GPC4: variants seen among roughly 807,000 people sequenced by gnomAD.
GPC4 encodes the protein glypican 4.
Under a neutral mutation model 35.0 loss-of-function variants are expected in GPC4, and 10 were observed. The observed-to-expected ratio is 0.29, with a 90% CI of 0.18 to 0.48. The LOEUF (loss-of-function observed/expected upper bound fraction) is 0.48, where lower values mean the gene tolerates loss of function less well. Ranked by LOEUF, GPC4 falls within the 20% of genes least tolerant of loss-of-function variation. The pLI, the probability that GPC4 is intolerant of heterozygous loss-of-function variation, is 0.99. For synonymous variants in GPC4, 167 were observed against 170.2 expected, an observed-to-expected ratio of 0.98 and a Z score of 0.15; for missense variants, 322 against 451.3, an observed-to-expected ratio of 0.71 and a Z score of 2.60.
At chrX:133,392,542 T>C (rs1451867705) in intron 1 of GPC4, among the ~76,000 whole-genome samples, 1 of 107,814 alleles carries the variant, frequency 9.3e-6, no homozygotes, top group African/African-American at 3.4e-5. Context: ...TATGTCCCAA[T>C]TGTGTTTCCA....
At chrX:133,370,271 T>A (rs773956576) in intron 1 of GPC4, among the ~76,000 whole-genome samples, 184 of 112,029 alleles carry the variant, frequency 1.6e-3, no homozygotes, top group Non-Finnish European at 2.9e-3. Flanking sequence ...AACAATCTGT[T>A]TTGTCTTTTA....
chrX:133,329,486 C>A (rs1324967207), intron 2 of GPC4, among the ~76,000 whole-genome samples: 2 of 111,300 alleles, frequency 1.8e-5, no homozygotes, highest in Non-Finnish European at 3.8e-5. Flanking sequence ...AACTGTTTAT[C>A]CTAAGGGAAA....
intron 1 of GPC4, among the ~76,000 whole-genome samples, chrX:133,360,514 AG>A (rs1392387627): frequency 1.8e-5 from 2 of 110,089 alleles, no homozygotes; most frequent in South Asian, 7.7e-4. Flanking sequence ...CCACTAAGCA[AG>A]GGAAGCCTTG....
rs569596512 is a variant in GPC4 at position 133,393,506 on chromosome X, A to C, written c.160+21300T>G. Among the ~76,000 whole-genome samples, 22 of 109,831 alleles carry C rather than the reference A, an allele frequency of 2.0e-4. No individual in the cohort carries two copies. In the Admixed American group the frequency reaches 2.1e-3, roughly 10 times the overall value. On this transcript the variant is annotated intron_variant, in intron 1 of 8. Coordinates refer to ENST00000370828, the MANE Select transcript of GPC4 (RefSeq NM_001448.3). ...AGTGCTTAGAGAGAGAAAAAAAAAA[A>C]AAACAAAACCTGAACTCTCAGAACT... is the stretch of plus-strand genomic sequence containing the variant.
intron 1 of GPC4, among the ~76,000 whole-genome samples, chrX:133,371,612 C>T (rs1362371313): frequency 9.0e-6 from 1 of 111,484 alleles, no homozygotes; most frequent in African/African-American, 3.3e-5. Context: ...TAAATAAAGC[C>T]ATCTTTATAC....
intron 1 of GPC4, among the ~76,000 whole-genome samples, chrX:133,385,774 C>T (rs184798196): frequency 4.0e-4 from 45 of 111,671 alleles, no homozygotes; most frequent in Middle Eastern, 4.7e-3. Context: ...TTATTCCTTT[C>T]CCACATCACC....
chrX:133,302,902 T>C lies in GPC4; in HGVS notation c.1636A>G (p.Ile546Val). The change falls in exon 9 of 9, where the codon ATC becomes GTC. Residue 546 changes from isoleucine to valine, a missense_variant. Around this residue, in one of 3 missense-constraint regions of GPC4, gnomAD observed 99 missense variants for 110.0 expected, o/e 0.90. Coordinates refer to ENST00000370828, the MANE Select transcript of GPC4 (RefSeq NM_001448.3). ...AQAYLLTVFC[I>V]LFLVMQREWR ...TCTCTCTGCATAACCAGGAACAAGA[T>C]GCAGAAGACAGTGAGGAGGTAGGCC... 8.3e-7 allele frequency: 1 copy of C among 1,211,771 alleles called. No homozygotes were observed. The highest frequency in any genetic ancestry group is 1.1e-6 in the Non-Finnish European group (1 of 895,431).
At chrX:133,350,962 C>T (rs1037462911) in intron 1 of GPC4, among the ~76,000 whole-genome samples, 1 of 112,529 alleles carries the variant, frequency 8.9e-6, no homozygotes, top group African/African-American at 3.2e-5. Flanking sequence ...CTTCAAGCAG[C>T]ATGTTATGCA....
At chrX:133,369,711 T>C (rs930982919) in intron 1 of GPC4, among the ~76,000 whole-genome samples, 3 of 111,632 alleles carry the variant, frequency 2.7e-5, no homozygotes, top group Non-Finnish European at 5.6e-5. Context: ...GTACTGGGCA[T>C]TTAATTATCC....
Position 133,377,711 on chromosome X carries a change from C to G in GPC4, c.160+37095G>C, listed in dbSNP as rs765176278. On this transcript the variant is annotated intron_variant, in intron 1 of 8. Coordinates refer to ENST00000370828, the MANE Select transcript of GPC4 (RefSeq NM_001448.3). Reference sequence around the variant, plus strand: ...AGAACTATTATCTTATCCTCCCCCCCTTTAAACATGAATCCTGGAACAGAG... The same window carrying G: ...AGAACTATTATCTTATCCTCCCCCCGTTTAAACATGAATCCTGGAACAGAG... 2.7e-5 allele frequency among the ~76,000 whole-genome samples: 3 copies of G among 110,351 alleles called. No individual in the cohort carries two copies. The South Asian group carries it at 1.2e-3, about 43-fold the overall frequency.
chrX:133,347,248 GTTTTTTTTTTTTTTT>G (rs763800349), intron 1 of GPC4, among the ~76,000 whole-genome samples: 279 of 25,457 alleles, frequency 0.011, 5 homozygotes, highest in African/African-American at 0.036. Flanking sequence ...TCTATTAGAA[GTTTTTTTTTTTTTTT>G]TTTTTTTTTT....
intron 3 of GPC4, among the ~76,000 whole-genome samples, chrX:133,314,167 T>C (rs1418970985): frequency 8.9e-6 from 1 of 112,210 alleles, no homozygotes; most frequent in Non-Finnish European, 1.9e-5. Context: ...TTCTACAAAA[T>C]ACAAAGCAAT....
chrX:133,350,338 CA>C (rs1296279785), intron 1 of GPC4, among the ~76,000 whole-genome samples: 1 of 110,571 alleles, frequency 9.0e-6, no homozygotes, highest in Non-Finnish European at 1.9e-5. Flanking sequence ...GCGTGGGCAA[CA>C]TAGTGAGACC....
In GPC4 at chrX:133,415,024, G is replaced by C. The variant is rs2068832007; in HGVS notation, c.-59C>G. ...GGGACCGGACGGGAAGCGGCGCTAC[G>C]GCAGCGGGCCGAGGGCTGGCGGAGT... is the stretch of plus-strand genomic sequence containing the variant. On this transcript the variant is annotated 5_prime_UTR_variant, in exon 1 of 9. Transcript: ENST00000370828. 2.7e-6 allele frequency: 3 copies of C among 1,127,469 alleles called. No individual in the cohort carries two copies. The highest frequency in any genetic ancestry group is 3.9e-5 in the South Asian group (2 of 51,110). The allele number at this position is 1,127,469 out of a possible 1,213,427, so 92.9% of individuals were successfully genotyped here.
intron 2 of GPC4, among the ~76,000 whole-genome samples, chrX:133,328,236 A>T (rs1253108523): frequency 9.0e-6 from 1 of 111,211 alleles, no homozygotes; most frequent in Non-Finnish European, 1.9e-5. Context: ...GATCCAGAAG[A>T]CCCAGACTCA....
At chrX:133,332,546 T>G (rs1363706568) in intron 2 of GPC4, among the ~76,000 whole-genome samples, 1 of 111,372 alleles carries the variant, frequency 9.0e-6, no homozygotes, top group East Asian at 2.8e-4. Context: ...ATTACAGGCG[T>G]GCACCACCAC....
intron 3 of GPC4, among the ~76,000 whole-genome samples, chrX:133,315,105 T>C (rs1200263408): frequency 1.9e-5 from 2 of 105,155 alleles, no homozygotes; most frequent in African/African-American, 7.3e-5. Flanking sequence ...AAGAAGTGTT[T>C]GGGTTTTTTT....
intron 2 of GPC4, among the ~76,000 whole-genome samples, chrX:133,337,912 A>G (rs1798460369): frequency 1.8e-5 from 2 of 110,405 alleles, no homozygotes; most frequent in African/African-American, 6.6e-5. Flanking sequence ...AGATATATAA[A>G]TTGTTCCCAT....
intron 1 of GPC4, among the ~76,000 whole-genome samples, chrX:133,358,189 A>C (rs1025270170): frequency 8.9e-6 from 1 of 112,041 alleles, no homozygotes; most frequent in South Asian, 3.7e-4. Context: ...AAAATATTAA[A>C]GGTTGATTCT....
Sources: gnomAD v4.1 joint callset for allele counts (sites outside exome capture counted in the v4.1 genomes callset) on GRCh38, gnomAD v4.1.1 for gene constraint, gnomAD v4.1.1 regional missense constraint, MANE v1.5 for transcripts, NCBI Gene and HGNC (gene_info 2026-07-23, HGNC 2026-07-21) for gene names.